FMNL3: variants seen among roughly 807,000 people sequenced by gnomAD.
FMNL3 encodes formin-like protein 3.
A neutral mutation model predicts 119.6 loss-of-function variants in FMNL3; 57 were observed. The ratio of observed to expected loss-of-function variants is 0.48; its 90% CI spans 0.39 to 0.59. The LOEUF (loss-of-function observed/expected upper bound fraction) is 0.59. Ranked by LOEUF, FMNL3 falls within the 20% of genes least tolerant of loss-of-function variation. The pLI is 0.00. For missense variants in FMNL3, 1,053 were observed against 1,323.5 expected, an observed-to-expected ratio of 0.80 and a Z score of 3.17; for synonymous variants, 491 against 507.3, an observed-to-expected ratio of 0.97 and a Z score of 0.43.
intron 1 of FMNL3, among the ~76,000 whole-genome samples, chr12:49,700,893 A>G (rs1944891772): frequency 6.6e-6 from 1 of 151,654 alleles, no homozygotes; most frequent in Non-Finnish European, 1.5e-5. Flanking sequence ...CCTGGCCAAC[A>G]TGGTGAAACC....
chr12:49,673,815 G>A (rs572316519), intron 1 of FMNL3, among the ~76,000 whole-genome samples: 11 of 152,338 alleles, frequency 7.2e-5, no homozygotes, highest in Middle Eastern at 3.4e-3. Flanking sequence ...TGCTGCCGCC[G>A]CCTCCACGTC....
chr12:49,652,219 G>A lies in FMNL3; in HGVS notation c.1324-7C>T, dbSNP rs1306790839. 5.0e-6 allele frequency: 8 copies of A among 1,610,554 alleles called. No homozygotes were observed. The highest frequency in any genetic ancestry group is 6.8e-6 in the Non-Finnish European group (8 of 1,178,598). On this transcript the variant is annotated splice_polypyrimidine_tract_variant and splice_region_variant and intron_variant, in intron 13 of 25. Coordinates refer to ENST00000335154, the MANE Select transcript of FMNL3 (RefSeq NM_175736.5). The stretch of plus-strand genomic sequence containing the variant: ...TTGTGTTCTCATATGTCTCCTGGCA[G>A]GCAGACAGCACCATTAAGGGAAAAG...
intron 9 of FMNL3, among the ~76,000 whole-genome samples, 174 bp downstream of exon 9, chr12:49,656,230 G>GT (rs1943564913): frequency 6.6e-6 from 1 of 152,122 alleles, no homozygotes; most frequent in South Asian, 2.1e-4. Flanking sequence ...TGAAGATCTA[G>GT]TAAGACTAAA....
In FMNL3 at chr12:49,650,786, T is replaced by G. The variant is rs1435555105; in HGVS notation, c.1890A>C (p.Gln630His). ...ACAGAGTCACCTTGCTGGCAGCTTT[T>G]TGCGCTGTCTTGTTTTTGGAGCAGA... is the stretch of plus-strand genomic sequence containing the variant. ...DLICSKNKTA[Q>H]KAASKVTLLE... The change falls in exon 17 of 26, where the codon CAA (glutamine) becomes CAC (histidine). Residue 630 changes from glutamine to histidine, a missense_variant. By Grantham distance (24) the Gln-to-His change is conservative. Coordinates refer to ENST00000335154, the MANE Select transcript of FMNL3 (RefSeq NM_175736.5). 3 of 1,614,076 alleles carry G rather than the reference T, an allele frequency of 1.9e-6. No individual in the cohort carries two copies. Among genetic ancestry groups the G allele is most frequent in the Non-Finnish European group, 2.5e-6 (3 of 1,180,032 alleles).
chr12:49,703,848 G>A (rs1342115641), intron 1 of FMNL3, among the ~76,000 whole-genome samples: 1 of 152,166 alleles, frequency 6.6e-6, no homozygotes, highest in African/African-American at 2.4e-5. Flanking sequence ...CCCCAGCGAG[G>A]ATACTCTTCA....
rs1942787942 is a variant in FMNL3 at position 49,642,323 on chromosome 12, T to C, written c.*3492A>G. On this transcript the variant is annotated 3_prime_UTR_variant, in exon 26 of 26. Coordinates refer to ENST00000335154, the MANE Select transcript of FMNL3 (RefSeq NM_175736.5). The surrounding 1 kb of genome is among the most constrained non-coding windows in gnomAD (Gnocchi z 5.8). Reference sequence around the variant, plus strand: ...CGCAGGGAAGCTGCCTTTCGAAGCATGCTGAGGCAGGCTGTGCCTGCTCTG... The same window carrying C: ...CGCAGGGAAGCTGCCTTTCGAAGCACGCTGAGGCAGGCTGTGCCTGCTCTG... 6.2e-7 allele frequency: 1 copy of C among 1,614,100 alleles called. No individual in the cohort carries two copies. Among genetic ancestry groups the C allele is most frequent in the African/African-American group, 1.3e-5 (1 of 75,060 alleles).
Position 49,647,441 on chromosome 12 carries a change from G to A in FMNL3, c.2779-73C>T. 1 of 1,517,036 alleles carries A rather than the reference G, an allele frequency of 6.6e-7. No individual in the cohort carries two copies. The highest frequency in any genetic ancestry group is 1.7e-4 in the Middle Eastern group (1 of 5,888). 94.0% of individuals were successfully genotyped at this position (1,517,036 alleles called of 1,614,324 possible). ...TGAGGGGAGGGGCTGACACTGAGGT[G>A]GAGAGTGGGTGGCAGTGGGACCCGC... On this transcript the variant is annotated intron_variant, in intron 23 of 25. Transcript: ENST00000335154. This position sits in a 1 kb window ranked among gnomAD's most constrained non-coding sequence, Gnocchi z 4.9.
In FMNL3 at chr12:49,647,538, C is replaced by T. The variant is rs1183595627; in HGVS notation, c.2778+165G>A. ...AATGACAGGAAGGTCCTGGGCCCCA[C>T]CCTGCCCACCAGTTCACAGCTAAGA... On this transcript the variant is annotated intron_variant, in intron 23 of 25. Transcript: ENST00000335154. The surrounding 1 kb of genome is among the most constrained non-coding windows in gnomAD (Gnocchi z 4.9). Among the ~76,000 whole-genome samples, 2 of 152,102 alleles carry T rather than the reference C, an allele frequency of 1.3e-5. No homozygotes were observed. The highest frequency in any genetic ancestry group is 2.1e-4 in the South Asian group (1 of 4,834).
chr12:49,640,130 A>G lies in FMNL3; in HGVS notation c.*5685T>C, dbSNP rs1229529875. On this transcript the variant is annotated 3_prime_UTR_variant, in exon 26 of 26. Coordinates refer to ENST00000335154, the MANE Select transcript of FMNL3 (RefSeq NM_175736.5). Reference sequence around the variant, plus strand: ...CCCAGGAGTCCCTCTTGCTTTCCACAGCCAGGCAGACCATGATGGTGCCTT... The same window carrying G: ...CCCAGGAGTCCCTCTTGCTTTCCACGGCCAGGCAGACCATGATGGTGCCTT... 1 of 152,218 alleles carries G rather than the reference A, an allele frequency of 6.6e-6. No homozygotes were observed. The highest frequency in any genetic ancestry group is 1.5e-5 in the Non-Finnish European group (1 of 68,026). The allele number at this position is 152,218 out of a possible 1,614,324, so 9.4% of individuals were successfully genotyped here. A position where few individuals can be genotyped will look rare whatever the true frequency, so the allele number is the denominator to read the frequency against.
intron 1 of FMNL3, among the ~76,000 whole-genome samples, chr12:49,681,284 T>C (rs1944326735): frequency 1.3e-5 from 2 of 151,990 alleles, no homozygotes; most frequent in Non-Finnish European, 2.9e-5. Flanking sequence ...CACTGCAAGC[T>C]CCGCCTCCCG....
chr12:49,670,734 T>C (rs1034913032), intron 1 of FMNL3, among the ~76,000 whole-genome samples: 2 of 152,200 alleles, frequency 1.3e-5, no homozygotes, highest in Non-Finnish European at 2.9e-5. Context: ...GATGGCAAGA[T>C]GGTCAAACAC....
At chr12:49,706,122 T>C (rs551202561) in intron 1 of FMNL3, among the ~76,000 whole-genome samples, 77 of 152,356 alleles carry the variant, frequency 5.1e-4, no homozygotes, top group Non-Finnish European at 8.5e-4. Context: ...GTTTTCGCTC[T>C]GCAAAACTTC....
At position 49,636,924 on chromosome 12, in the gene FMNL3, C is replaced by T. The variant is rs115064935; in HGVS notation, c.*8891G>A. ...CAACCTCTTCACCCATTCCCTGCCC[C>T]CTTCTGGATACGCTGCCTGTTCTTT... is the stretch of plus-strand genomic sequence containing the variant. On this transcript the variant is annotated 3_prime_UTR_variant, in exon 26 of 26. Transcript: ENST00000335154. 6.3e-7 allele frequency: 1 copy of T among 1,599,518 alleles called. No individual in the cohort carries two copies.
Position 49,643,131 on chromosome 12 carries a change from C to G in FMNL3, c.*2684G>C. 1.3e-6 allele frequency: 2 copies of G among 1,585,596 alleles called. No homozygotes were observed. The highest frequency in any genetic ancestry group is 1.7e-6 in the Non-Finnish European group (2 of 1,157,912). On this transcript the variant is annotated 3_prime_UTR_variant, in exon 26 of 26. Transcript: ENST00000335154. ...GAGGGAAGTTTGAGGATTCCTTTGG[C>G]CCTGGGTCCTCCTCCTCTCTCGAAT...
In FMNL3 at chr12:49,641,170, G is replaced by A. The variant is rs902341203; in HGVS notation, c.*4645C>T. 1.3e-5 allele frequency: 2 copies of A among 152,208 alleles called. No individual in the cohort carries two copies. Among genetic ancestry groups the A allele is most frequent in the African/African-American group, 4.8e-5 (2 of 41,450 alleles). 9.4% of individuals were successfully genotyped at this position (152,208 alleles called of 1,614,324 possible). Reference sequence around the variant, plus strand: ...TAAGCCTCTGCTTCACTGGAATGTTGTGAGGCCTAAATGAGAAGCATAGAG... The same window carrying A: ...TAAGCCTCTGCTTCACTGGAATGTTATGAGGCCTAAATGAGAAGCATAGAG... On this transcript the variant is annotated 3_prime_UTR_variant, in exon 26 of 26. Transcript: ENST00000335154.
intron 1 of FMNL3, 72 bp downstream of exon 1, chr12:49,706,983 C>G: frequency 6.6e-7 from 1 of 1,510,142 alleles, no homozygotes; most frequent in East Asian, 2.6e-5. Context: ...GGGGGCCCAG[C>G]ACAAAGTCCC....
intron 21 of FMNL3, 141 bp from the exon 22 acceptor site, chr12:49,648,494 A>C (rs1038035729): frequency 2.4e-6 from 2 of 842,180 alleles, no homozygotes; most frequent in Admixed American, 3.5e-5. Context: ...AAGGAAGTAC[A>C]CACCAAGCTA....
chr12:49,680,843 C>G (rs998598725), intron 1 of FMNL3, among the ~76,000 whole-genome samples: 7 of 152,212 alleles, frequency 4.6e-5, no homozygotes, highest in African/African-American at 1.7e-4. Flanking sequence ...GAATCTGAGA[C>G]CAACTGGCTC....
At chr12:49,700,260 C>T (rs1944866517) in intron 1 of FMNL3, among the ~76,000 whole-genome samples, 1 of 151,452 alleles carries the variant, frequency 6.6e-6, no homozygotes, top group African/African-American at 2.4e-5. Flanking sequence ...GGCGTGGTGG[C>T]GGGCGCCTGT....
Sources: gnomAD v4.1 joint callset for allele counts (sites outside exome capture counted in the v4.1 genomes callset) on GRCh38, gnomAD v4.1.1 for gene constraint, Gnocchi (gnomAD v3.1) non-coding constraint, MANE v1.5 for transcripts, NCBI Gene and HGNC (gene_info 2026-07-23, HGNC 2026-07-21) for gene names.